The following GALNT13 variants were observed in gnomAD, a reference collection of about 807,000 sequenced individuals.
GALNT13 encodes the protein UDP-GalNAc:polypeptide N-acetylgalactosaminyltransferase 13.
In GALNT13, 28 loss-of-function variants were observed where a neutral mutation model predicts 64.2. The ratio of observed to expected loss-of-function variants is 0.44; its 90% CI spans 0.32 to 0.60. GALNT13 has a LOEUF of 0.60. Among genes scored for constraint, GALNT13 ranks in the 20% least tolerant of loss-of-function variants. The pLI is 0.05. For missense variants in GALNT13, 577 were observed against 669.8 expected, an observed-to-expected ratio of 0.86 and a Z score of 1.53; for synonymous variants, 214 against 224.6, an observed-to-expected ratio of 0.95 and a Z score of 0.42.
chr2:153,354,428 A>T, the GALNT13 span: 5 of 152,360 alleles, frequency 3.3e-5, no homozygotes, highest in East Asian at 9.6e-4. Context: ...AATTCATAGT[A>T]AAACATTTTT....
chr2:153,619,768 C>G, the GALNT13 span, among the ~76,000 whole-genome samples: 1 of 152,254 alleles, frequency 6.6e-6, no homozygotes, highest in African/African-American at 2.4e-5. Context: ...TGTCATACCA[C>G]CCTCTCCTGG....
chr2:154,242,619 T>A, intron 5 of GALNT13, 79 bp from the exon 6 acceptor site: 1 of 889,682 alleles, frequency 1.1e-6, no homozygotes, highest in Admixed American at 2.2e-5. Flanking sequence ...GTGTGTTGAA[T>A]TTCCATCTTG....
chr2:153,769,947 A>G, the GALNT13 span, among the ~76,000 whole-genome samples: 1 of 152,030 alleles, frequency 6.6e-6, no homozygotes, highest in Non-Finnish European at 1.5e-5. Context: ...AATGATGTCA[A>G]TCTCTTCTTT....
At chr2:153,599,034 C>T in the GALNT13 span, among the ~76,000 whole-genome samples, 6 of 152,116 alleles carry the variant, frequency 3.9e-5, no homozygotes, top group South Asian at 1.2e-3. Flanking sequence ...CTGTAGGAAA[C>T]TCAATCTTCC....
At position 154,349,465 on chromosome 2, in the gene GALNT13, A is replaced by G. The variant is rs531582545; in HGVS notation, c.1157-46526A>G. ...AAGCTATAAGTCTTGAATCATAAAT[A>G]TATCCCTTAGAAACTGGAAAAGTCA... On this transcript the variant is annotated intron_variant, in intron 9 of 12. Coordinates refer to ENST00000392825, the MANE Select transcript of GALNT13 (RefSeq NM_052917.4). Among the ~76,000 whole-genome samples the G allele has an allele frequency of 3.3e-5, 5 of 152,382 alleles. No individual in the cohort carries two copies. The South Asian group carries it at 1.0e-3, about 32-fold the overall frequency.
intron 11 of GALNT13, chr2:154,437,520 C>T (rs1559154554): frequency 5.5e-6 from 7 of 1,277,734 alleles, no homozygotes; most frequent in South Asian, 5.0e-5. Context: ...CAATGCTTAT[C>T]GTAGTTAAAA....
chr2:153,913,504 C>T (rs1689124705), intron 2 of GALNT13, among the ~76,000 whole-genome samples: 1 of 152,182 alleles, frequency 6.6e-6, no homozygotes, highest in African/African-American at 2.4e-5. Context: ...GCAGCCCTGA[C>T]CATGCTCCGC....
intron 9 of GALNT13, among the ~76,000 whole-genome samples, chr2:154,394,104 A>AAAAAG (rs1553523758): frequency 2.7e-5 from 4 of 146,364 alleles, no homozygotes; most frequent in Non-Finnish European, 6.0e-5. Flanking sequence ...AAAAAAAAAA[A>AAAAAG]GGTATGCAAA....
intron 9 of GALNT13, among the ~76,000 whole-genome samples, chr2:154,333,417 G>A (rs892902703): frequency 3.3e-5 from 5 of 151,946 alleles, no homozygotes; most frequent in East Asian, 1.9e-4. Flanking sequence ...CTAGTCCTGC[G>A]TTAAAGAACA....
In GALNT13 at chr2:154,245,865, A is replaced by G. The variant is rs1250104241; in HGVS notation, c.740A>G (p.Tyr247Cys). The G allele has an allele frequency of 6.2e-7, 1 of 1,612,978 alleles. No homozygotes were observed. Among genetic ancestry groups the G allele is most frequent in the Non-Finnish European group, 8.5e-7 (1 of 1,179,108 alleles). ...IDVISDDTFE[Y>C]MAGSDMTYGG... ...GTGATTAGTGATGATACTTTTGAAT[A>G]TATGGCTGGGTCAGACATGACTTAT... The change falls in exon 7 of 13, where the codon TAT becomes TGT. Residue 247 changes from tyrosine to cysteine, a missense_variant. Transcript: ENST00000392825.
the GALNT13 span, among the ~76,000 whole-genome samples, chr2:153,350,990 C>T: frequency 6.6e-6 from 1 of 152,024 alleles, no homozygotes; most frequent in Non-Finnish European, 1.5e-5. Context: ...TAAAAATTAA[C>T]AGAAAAATAA....
intron 1 of GALNT13, among the ~76,000 whole-genome samples, chr2:153,880,305 T>C (rs1686693731): frequency 6.6e-6 from 1 of 152,146 alleles, no homozygotes; most frequent in African/African-American, 2.4e-5. Flanking sequence ...ATTTTCTCCT[T>C]TCTGTTATTT....
At chr2:154,062,295 T>C (rs551380519) in intron 3 of GALNT13, among the ~76,000 whole-genome samples, 1 of 152,326 alleles carries the variant, frequency 6.6e-6, no homozygotes, top group South Asian at 2.1e-4. Flanking sequence ...TTTATGTGAT[T>C]CTATTTTCTC....
the GALNT13 span, among the ~76,000 whole-genome samples, chr2:153,470,603 G>C: frequency 6.6e-6 from 1 of 152,204 alleles, no homozygotes; most frequent in South Asian, 2.1e-4. Context: ...CTAGATATCA[G>C]CTTCTTTCAT....
chr2:153,851,495 G>A, the GALNT13 span, among the ~76,000 whole-genome samples: 1 of 151,542 alleles, frequency 6.6e-6, no homozygotes, highest in Non-Finnish European at 1.5e-5. Context: ...GAGGCCAGGA[G>A]TTCCTAGGCC....
chr2:153,650,475 A>T, the GALNT13 span, among the ~76,000 whole-genome samples: 1 of 152,076 alleles, frequency 6.6e-6, no homozygotes, highest in African/African-American at 2.4e-5. Flanking sequence ...TTTAAGGTTA[A>T]TATTGTTATG....
At chr2:153,516,298 A>G in the GALNT13 span, among the ~76,000 whole-genome samples, 3 of 152,184 alleles carry the variant, frequency 2.0e-5, no homozygotes, top group Non-Finnish European at 4.4e-5. Flanking sequence ...GTAAACAAAC[A>G]CCTGTAGAAT....
At chr2:153,257,748 G>C in the GALNT13 span, among the ~76,000 whole-genome samples, 1 of 152,132 alleles carries the variant, frequency 6.6e-6, no homozygotes, top group Admixed American at 6.5e-5. Context: ...GAAACTATTT[G>C]TGAGTATTCT....
chr2:153,823,033 C>A, the GALNT13 span, among the ~76,000 whole-genome samples: 4 of 152,004 alleles, frequency 2.6e-5, no homozygotes, highest in South Asian at 8.3e-4. Context: ...CTGGCACACA[C>A]AAAAAATAAA....
Sources: gnomAD v4.1 joint callset for allele counts (sites outside exome capture counted in the v4.1 genomes callset) on GRCh38, gnomAD v4.1.1 for gene constraint, MANE v1.5 for transcripts, NCBI Gene and HGNC (gene_info 2026-07-23, HGNC 2026-07-21) for gene names.